The following UBXN8 variants were observed in gnomAD, a reference collection of about 807,000 sequenced individuals.
The protein encoded by UBXN8 is UBX domain-containing protein 8.
Under a neutral mutation model 32.1 loss-of-function variants are expected in UBXN8, and 27 were observed. The observed-to-expected ratio is 0.84, with a 90% CI of 0.62 to 1.16. UBXN8 has a LOEUF of 1.16. Among genes scored for constraint, UBXN8 ranks in the 50% most tolerant of loss-of-function variants. The pLI is 0.00. For missense variants in UBXN8, 306 were observed against 311.4 expected, an observed-to-expected ratio of 0.98 and a Z score of 0.13; for synonymous variants, 109 against 111.8, an observed-to-expected ratio of 0.98 and a Z score of 0.16.
chr8:30,760,443 A>ATTTTTTTTTTT (rs199634258), intron 5 of UBXN8, among the ~76,000 whole-genome samples: 1 of 91,118 alleles, frequency 1.1e-5, no homozygotes, highest in African/African-American at 5.1e-5. Flanking sequence ...ATATATATAT[A>ATTTTTTTTTTT]TTTTTTTTTT....
At chr8:30,756,615 G>A (rs1805667899) in intron 4 of UBXN8, 150 bp from the exon 5 acceptor site, 1 of 1,127,202 alleles carries the variant, frequency 8.9e-7, no homozygotes, top group Non-Finnish European at 1.2e-6. Flanking sequence ...CGGAGATAAT[G>A]CTTTAATTTT....
upstream of UBXN8, among the ~76,000 whole-genome samples, chr8:30,741,454 C>CTTTTTT (rs565066061): frequency 3.4e-5 from 4 of 116,738 alleles, no homozygotes; most frequent in African/African-American, 1.1e-4. Flanking sequence ...AAGCAATGTT[C>CTTTTTT]TTTTTTTTTT....
intron 4 of UBXN8, chr8:30,756,040 T>G (rs188257989): frequency 6.6e-6 from 1 of 152,158 alleles, no homozygotes; most frequent in Non-Finnish European, 1.5e-5. Context: ...TTTTTTTTTT[T>G]TTGAGGCTGA....
At position 30,737,680 on chromosome 8, in the gene UBXN8, C is replaced by T. The variant is rs573194393; in HGVS notation, c.622+4372C>T. 6.6e-5 allele frequency among the ~76,000 whole-genome samples: 10 copies of T among 152,222 alleles called. No individual in the cohort carries two copies. The South Asian group carries it at 2.1e-3, about 32-fold the overall frequency. On this transcript the variant is annotated intron_variant, in intron 1 of 1. Transcript: ENST00000522968. ...TCCAGCCTAAGCAACAGAGCGAGAC[C>T]CTGTCTCAAACAAACAAAAAAATTA...
At chr8:30,750,126 C>G (rs1407128446) in intron 1 of UBXN8, among the ~76,000 whole-genome samples, 2 of 151,944 alleles carry the variant, frequency 1.3e-5, no homozygotes, top group East Asian at 3.9e-4. Flanking sequence ...TACAGTAAAC[C>G]CTCTGTATCC....
chr8:30,748,132 C>CT (rs1047300119), intron 1 of UBXN8, among the ~76,000 whole-genome samples: 316 of 143,430 alleles, frequency 2.2e-3, no homozygotes, highest in African/African-American at 6.3e-3. Context: ...AATTTTTTTT[C>CT]TTTTTTTTTT....
At chr8:30,752,865 C>A (rs1805550905) in intron 2 of UBXN8, among the ~76,000 whole-genome samples, 170 bp from the exon 3 acceptor site, 1 of 152,094 alleles carries the variant, frequency 6.6e-6, no homozygotes, top group Admixed American at 6.6e-5. Flanking sequence ...AAACCATAAT[C>A]CTAAAAGGTT....
At chr8:30,762,381 G>GT (rs869101859) in intron 6 of UBXN8, among the ~76,000 whole-genome samples, 1 of 83,072 alleles carries the variant, frequency 1.2e-5, no homozygotes, top group Non-Finnish European at 3.0e-5. Flanking sequence ...TGATGGGAAA[G>GT]TTTTTTGTTT....
exon 1 of UBXN8, chr8:30,732,919 C>T (rs1804998976): frequency 6.6e-6 from 1 of 152,230 alleles, no homozygotes; most frequent in Admixed American, 6.5e-5. Flanking sequence ...TTAATGAATA[C>T]TAAAGGACAT....
intron 1 of UBXN8, among the ~76,000 whole-genome samples, chr8:30,738,668 A>T (rs1805122709): frequency 6.6e-6 from 1 of 150,652 alleles, no homozygotes. Flanking sequence ...AAAAAAAAAA[A>T]AAAAAAGCTA....
At chr8:30,741,940 CAG>C (rs547773504), upstream of UBXN8, among the ~76,000 whole-genome samples, 89 of 152,096 alleles carry the variant, frequency 5.9e-4, no homozygotes, top group Non-Finnish European at 9.9e-4. Flanking sequence ...TTTTGTAGTC[CAG>C]AGAGAGATTC....
At chr8:30,764,195 T>C (rs553495575) in intron 7 of UBXN8, among the ~76,000 whole-genome samples, 1 of 152,372 alleles carries the variant, frequency 6.6e-6, no homozygotes, top group East Asian at 1.9e-4. Flanking sequence ...CTGTCCTGTT[T>C]GTTGTATTTA....
intron 4 of UBXN8, 51 bp downstream of exon 4, chr8:30,754,838 A>G: frequency 6.6e-7 from 1 of 1,519,450 alleles, no homozygotes; most frequent in Non-Finnish European, 8.7e-7. Context: ...TATGTTTCCT[A>G]TTACATGATT....
At chr8:30,749,054 T>C (rs551324877) in intron 1 of UBXN8, among the ~76,000 whole-genome samples, 6 of 152,268 alleles carry the variant, frequency 3.9e-5, no homozygotes, top group Admixed American at 2.0e-4. Flanking sequence ...GCAAAGTAGG[T>C]AGTTAGATTT....
upstream of UBXN8, among the ~76,000 whole-genome samples, chr8:30,740,731 A>G (rs1031759296): frequency 6.6e-6 from 1 of 151,642 alleles, no homozygotes; most frequent in Non-Finnish European, 1.5e-5. Flanking sequence ...TTTGGTGAGA[A>G]TGGAGACACC....
chr8:30,747,898 T>TTTC (rs1044724571), intron 1 of UBXN8, among the ~76,000 whole-genome samples: 1 of 111,250 alleles, frequency 9.0e-6, no homozygotes, highest in Non-Finnish European at 1.7e-5. Context: ...TTTTTTCTTT[T>TTTC]TTTTTTTTTT....
chr8:30,743,554 T>A (rs553607156), upstream of UBXN8, among the ~76,000 whole-genome samples: 1 of 152,280 alleles, frequency 6.6e-6, no homozygotes, highest in Admixed American at 6.5e-5. Flanking sequence ...AATGAGGTCA[T>A]GGAACTATGA....
At position 30,756,836 on chromosome 8, in the gene UBXN8, TA is replaced by T; in HGVS notation, c.480del (p.Lys160AsnfsTer3). 1.2e-6 allele frequency: 2 copies of T among 1,614,040 alleles called. No individual in the cohort carries two copies. The highest frequency in any genetic ancestry group is 1.7e-6 in the Non-Finnish European group (2 of 1,179,898). On this transcript the variant is annotated frameshift_variant, in exon 5 of 8. Transcript: ENST00000265616. LOFTEE classifies it high-confidence loss of function. ...REAAKSQNLP[K>X]PLTEFPSPAE... ...AAGCAGCAAAGAGCCAGAACTTGCC[TA>T]AACCTTTAACTGAATTTCCGTCTCC...
intron 1 of UBXN8, among the ~76,000 whole-genome samples, chr8:30,745,511 C>T (rs1349673980): frequency 1.3e-5 from 2 of 152,148 alleles, no homozygotes; most frequent in East Asian, 3.8e-4. Context: ...CCCTCTCTTT[C>T]TCCACATTTT....
Sources: allele counts gnomAD v4.1 joint callset (sites outside exome capture counted in the v4.1 genomes callset), GRCh38; gene constraint gnomAD v4.1.1; transcripts MANE v1.5; gene names NCBI Gene and HGNC (gene_info 2026-07-23, HGNC 2026-07-21).